Variants in HEATR5B observed in about 807,000 individuals in gnomAD.
HEATR5B encodes HEAT repeat containing 5B, also known as HEAT repeat-containing protein 5B.
In HEATR5B, 156 loss-of-function variants were observed where a neutral mutation model predicts 224.1. The ratio of observed to expected loss-of-function variants is 0.70; its 90% confidence interval spans 0.61 to 0.80. The LOEUF is 0.80. Ranked by LOEUF, HEATR5B falls within the 30% of genes least tolerant of loss-of-function variation. HEATR5B has a pLI of 0.00. For synonymous variants in HEATR5B, 1,027 were observed against 893.0 expected, an observed-to-expected ratio of 1.15 and a Z score of -2.68; for missense variants, 2,323 against 2,535.5, an observed-to-expected ratio of 0.92 and a Z score of 1.80.
At chr2:37,012,510 C>G (rs1210485914) in intron 27 of HEATR5B, among the ~76,000 whole-genome samples, 1 of 152,122 alleles carries the variant, frequency 6.6e-6, no homozygotes, top group African/African-American at 2.4e-5. Context: ...CCTGCCTCAG[C>G]CTCCCAAGTA....
intron 33 of HEATR5B, among the ~76,000 whole-genome samples, chr2:36,995,088 T>TTTTTTTTTTTG (rs1491346890): frequency 7.3e-5 from 5 of 68,878 alleles, no homozygotes; most frequent in African/African-American, 2.0e-4. Context: ...TTATTCCTTG[T>TTTTTTTTTTTG]TTTTTTTTTT....
At chr2:37,055,009 T>C (rs1312709787) in intron 16 of HEATR5B, 1 of 293,764 alleles carries the variant, frequency 3.4e-6, no homozygotes, top group Admixed American at 3.7e-5. Flanking sequence ...CATATGAAGA[T>C]ACAGATTCAG....
chr2:37,006,909 T>C (rs1482383271), intron 29 of HEATR5B, 141 bp downstream of exon 29: 3 of 685,766 alleles, frequency 4.4e-6, no homozygotes, highest in Non-Finnish European at 7.0e-6. Flanking sequence ...ATTAACAATT[T>C]ATAAGGTGAG....
Position 36,981,724 on chromosome 2 carries a change from T to C in HEATR5B, c.5982A>G (p.Ser1994=), listed in dbSNP as rs1468621352. The part of the protein sequence containing the change: ...SYLLDENSFA[S]ASSASKDLHE... Reference sequence around the variant, plus strand: ...GAAGATCTTTGGAAGCTGAACTTGCTGAGGCAAAAGAATTTTCATCCAGCA... The same window carrying C: ...GAAGATCTTTGGAAGCTGAACTTGCCGAGGCAAAAGAATTTTCATCCAGCA... Residue 1994 remains serine, a synonymous_variant, in exon 36 of 36, where the codon TCA becomes TCG. Coordinates refer to ENST00000233099, the MANE Select transcript of HEATR5B (RefSeq NM_019024.3). 1 of 1,614,076 alleles carries C rather than the reference T, an allele frequency of 6.2e-7. No homozygotes were observed. Among genetic ancestry groups the C allele is most frequent in the Non-Finnish European group, 8.5e-7 (1 of 1,180,008 alleles).
chr2:37,025,161 A>T (rs753237732), intron 24 of HEATR5B, among the ~76,000 whole-genome samples: 4 of 152,080 alleles, frequency 2.6e-5, no homozygotes, highest in African/African-American at 4.8e-5. Flanking sequence ...GCAGGCGGTG[A>T]TGTTAGAAAG....
intron 12 of HEATR5B, among the ~76,000 whole-genome samples, chr2:37,059,232 T>C (rs951825421): frequency 2.0e-5 from 3 of 151,028 alleles, no homozygotes; most frequent in Non-Finnish European, 2.9e-5. Flanking sequence ...ATTCTTCGGG[T>C]GGAAATTCAG....
At position 37,053,401 on chromosome 2, in the gene HEATR5B, G is replaced by A. The variant is rs746230934; in HGVS notation, c.2505+101C>T. 3 of 522,540 alleles carry A rather than the reference G, an allele frequency of 5.7e-6. No homozygotes were observed. The East Asian group carries it at 9.7e-5, about 17-fold the overall frequency. 32.4% of individuals were successfully genotyped at this position (522,540 alleles called of 1,614,324 possible). On this transcript the variant is annotated intron_variant, in intron 17 of 35. Transcript: ENST00000233099. Reference sequence around the variant, plus strand: ...GCTAACGTAAAGGCACAGTTACCAAGTGATTTACATATAAACATTATAATA... The same window carrying A: ...GCTAACGTAAAGGCACAGTTACCAAATGATTTACATATAAACATTATAATA...
intron 26 of HEATR5B, among the ~76,000 whole-genome samples, chr2:37,019,135 G>A (rs546849078): frequency 1.3e-5 from 2 of 152,012 alleles, no homozygotes; most frequent in Non-Finnish European, 1.5e-5. Context: ...GCTCCAGCCT[G>A]GGTGACAGAG....
intron 10 of HEATR5B, among the ~76,000 whole-genome samples, chr2:37,063,526 T>C (rs956469021): frequency 2.0e-5 from 3 of 152,166 alleles, no homozygotes; most frequent in East Asian, 1.9e-4. Flanking sequence ...ATGAGGAAGA[T>C]GGGACGTGTG....
chr2:36,998,820 T>TA (rs1240787777), intron 33 of HEATR5B, among the ~76,000 whole-genome samples: 5 of 152,188 alleles, frequency 3.3e-5, no homozygotes. Context: ...ATAGTTATCT[T>TA]ACTCTCTATA....
chr2:37,008,581 T>A (rs758986666), intron 28 of HEATR5B, 30 bp downstream of exon 28: 5 of 1,497,738 alleles, frequency 3.3e-6, no homozygotes, highest in Non-Finnish European at 4.7e-6. Flanking sequence ...TTGAACTCCA[T>A]AAAAGTAAAA....
At position 37,071,368 on chromosome 2, in the gene HEATR5B, C is replaced by A. The variant is rs553218281; in HGVS notation, c.769+742G>T. Among the ~76,000 whole-genome samples, 5 of 152,228 alleles carry A rather than the reference C, an allele frequency of 3.3e-5. No individual in the cohort carries two copies. In the South Asian group the frequency reaches 1.0e-3, roughly 32 times the overall value. On this transcript the variant is annotated intron_variant, in intron 6 of 35. Transcript: ENST00000233099. ...CACAGGCACCCCTGAGATATCTCTACGGAACTGTGAAGCAAAGCAAGAGTA... is the reference window on the plus strand; with the variant it reads ...CACAGGCACCCCTGAGATATCTCTAAGGAACTGTGAAGCAAAGCAAGAGTA...
chr2:37,053,216 C>T (rs1030768665), intron 17 of HEATR5B, among the ~76,000 whole-genome samples: 6 of 152,130 alleles, frequency 3.9e-5, no homozygotes, highest in African/African-American at 1.2e-4. Flanking sequence ...GTAGAATATC[C>T]GATTTCATTC....
At chr2:37,051,455 T>C (rs1445706856) in intron 17 of HEATR5B, among the ~76,000 whole-genome samples, 1 of 152,128 alleles carries the variant, frequency 6.6e-6, no homozygotes, top group Non-Finnish European at 1.5e-5. Context: ...TTGTTCTAGC[T>C]GTACTTACCA....
At chr2:37,076,610 C>A (rs1672246178) in intron 4 of HEATR5B, among the ~76,000 whole-genome samples, 1 of 140,984 alleles carries the variant, frequency 7.1e-6, no homozygotes, top group Non-Finnish European at 1.5e-5. Flanking sequence ...TAATTTATTA[C>A]AGTAACCAGG....
chr2:37,039,481 G>A (rs570931882), intron 20 of HEATR5B, among the ~76,000 whole-genome samples: 3 of 151,950 alleles, frequency 2.0e-5, no homozygotes, highest in African/African-American at 7.3e-5. Flanking sequence ...TGCAAGCATC[G>A]GAAATTGATC....
intron 2 of HEATR5B, among the ~76,000 whole-genome samples, chr2:37,081,341 G>C (rs1672556684): frequency 6.6e-6 from 1 of 152,070 alleles, no homozygotes. Context: ...ATTTACATTA[G>C]GTCATGCATT....
chr2:37,023,136 G>C (rs1668567864), intron 24 of HEATR5B, among the ~76,000 whole-genome samples: 1 of 151,918 alleles, frequency 6.6e-6, no homozygotes, highest in Non-Finnish European at 1.5e-5. Flanking sequence ...AAATCACAAA[G>C]GGGAATTTAG....
rs138305573 is a variant in HEATR5B at position 37,035,656 on chromosome 2, T to C, written c.3216+2199A>G. Among the ~76,000 whole-genome samples, 1,203 of 152,294 alleles carry C rather than the reference T, an allele frequency of 7.9e-3. 16 individuals are homozygous for C. The highest frequency in any genetic ancestry group is 0.024 in the Middle Eastern group (7 of 294). ...TATTCCTTCTTTAATCTCTCTTAAC[T>C]GCTTCTACATATTTCTGGCTGACTC... On this transcript the variant is annotated intron_variant, in intron 21 of 35. Transcript: ENST00000233099.
Sources: gnomAD v4.1 joint callset for allele counts (sites outside exome capture counted in the v4.1 genomes callset) on GRCh38, gnomAD v4.1.1 for gene constraint, MANE v1.5 for transcripts, NCBI Gene and HGNC (gene_info 2026-07-23, HGNC 2026-07-21) for gene names.